Variants in ADCY10 observed in about 807,000 individuals in gnomAD.
The protein encoded by ADCY10 is adenylate cyclase 10, also known as adenylate cyclase type 10.
ADCY10 carries 156 observed loss-of-function variants against 183.3 expected under a neutral mutation model. The ratio of observed to expected loss-of-function variants is 0.85; its 90% CI spans 0.75 to 0.97. The LOEUF is 0.97. Among genes scored for constraint, ADCY10 ranks in the 50% least tolerant of loss-of-function variants. The pLI is 0.00. For missense variants in ADCY10, 1,745 were observed against 1,934.3 expected (o/e 0.90, Z 1.84); for synonymous variants, 645 against 670.0 (o/e 0.96, Z 0.58).
chr1:167,902,970 A>T (rs1268326765), intron 3 of ADCY10, among the ~76,000 whole-genome samples: 1 of 152,178 alleles, frequency 6.6e-6, no homozygotes, highest in African/African-American at 2.4e-5. Context: ...AAATACTTGG[A>T]TAGGCCAGGC....
chr1:167,862,883 C>T (rs1666379281), intron 14 of ADCY10, among the ~76,000 whole-genome samples: 1 of 152,162 alleles, frequency 6.6e-6, no homozygotes, highest in African/African-American at 2.4e-5. Flanking sequence ...CTGGTCATCA[C>T]CACTGTTATT....
intron 1 of ADCY10, among the ~76,000 whole-genome samples, chr1:167,908,173 G>A (rs1321191736): frequency 1.3e-5 from 2 of 152,120 alleles, no homozygotes; most frequent in South Asian, 2.1e-4. Flanking sequence ...ACATATGAAT[G>A]GATAAAGAAA....
chr1:167,911,957 T>C (rs1457383510), intron 1 of ADCY10, among the ~76,000 whole-genome samples: 2 of 152,086 alleles, frequency 1.3e-5, no homozygotes, highest in Non-Finnish European at 2.9e-5. Context: ...AAGAAGAAAA[T>C]GATAGGTTTA....
intron 22 of ADCY10, 134 bp downstream of exon 22, chr1:167,837,115 T>C: frequency 1.3e-6 from 1 of 758,930 alleles, no homozygotes; most frequent in Non-Finnish European, 2.4e-6. Flanking sequence ...AAACTCACCA[T>C]GCATACCCCC....
intron 18 of ADCY10, among the ~76,000 whole-genome samples, chr1:167,853,535 C>T (rs1387391667): frequency 6.6e-6 from 1 of 152,170 alleles, no homozygotes; most frequent in East Asian, 1.9e-4. Flanking sequence ...CCAATTAAAG[C>T]CTGCTCTATC....
chr1:167,842,298 C>T (rs1444975603), intron 21 of ADCY10, among the ~76,000 whole-genome samples: 7 of 152,126 alleles, frequency 4.6e-5, no homozygotes, highest in African/African-American at 1.4e-4. Context: ...TGCCATCATA[C>T]CTGGCTAATT....
At chr1:167,866,835 G>A (rs1022819343) in intron 14 of ADCY10, among the ~76,000 whole-genome samples, 4 of 150,796 alleles carry the variant, frequency 2.7e-5, no homozygotes, top group Non-Finnish European at 5.9e-5. Flanking sequence ...CTCTGGCCAA[G>A]GCCAGTGGCC....
rs558748386 is a variant in ADCY10, at chr1:167,829,492, G to A, written c.3594-69C>T. The A allele has an allele frequency of 1.1e-5, 17 of 1,579,578 alleles. No individual in the cohort carries two copies. In the East Asian group the frequency reaches 3.6e-4, roughly 33 times the overall value. ...CATTACCATGATTTAGGGGAGCACA[G>A]GTACATGGTGTCCTCACTATGGGCC... On this transcript the variant is annotated intron_variant, in intron 25 of 32. Coordinates refer to ENST00000367851, the MANE Select transcript of ADCY10 (RefSeq NM_018417.6).
At position 167,860,872 on chromosome 1, in the gene ADCY10, T is replaced by C. The variant is rs772108925; in HGVS notation, c.1808A>G (p.Gln603Arg). Residue 603 changes from glutamine to arginine, a missense_variant and splice_region_variant, in exon 15 of 33, where the codon CAG (glutamine) becomes CGG (arginine). Coordinates refer to ENST00000367851, the MANE Select transcript of ADCY10 (RefSeq NM_018417.6). ...YCLLNDIFHVQFPISREISRM... is the reference protein window; with the variant it reads ...YCLLNDIFHVRFPISREISRM... Reference sequence around the variant, plus strand: ...AGAAGTATAATACTAGCTAGTTACCTGAACATGGAAAATGTCATTAAGAAG... The same window carrying C: ...AGAAGTATAATACTAGCTAGTTACCCGAACATGGAAAATGTCATTAAGAAG... The C allele has an allele frequency of 6.2e-7, 1 of 1,613,838 alleles. No homozygotes were observed. Among genetic ancestry groups the C allele is most frequent in the Non-Finnish European group, 8.5e-7 (1 of 1,179,734 alleles).
chr1:167,812,934 A>G (rs546108433), intron 31 of ADCY10, among the ~76,000 whole-genome samples: 8 of 152,292 alleles, frequency 5.3e-5, no homozygotes, highest in African/African-American at 1.7e-4. Context: ...AGATAAGACA[A>G]TGGAAATTAT....
Position 167,836,375 on chromosome 1 carries a change from ATT to A in ADCY10, c.3241_3242del (p.Asn1081Ter). 6.2e-7 allele frequency: 1 copy of A among 1,614,140 alleles called. No homozygotes were observed. The highest frequency in any genetic ancestry group is 1.1e-5 in the South Asian group (1 of 91,078). The part of the protein sequence containing the change: ...LAHHFLALGE[N>X]DKALYYFLEI... ...CTAAGAAGTAATATAAGGCTTTGTC[ATT>A]TTCTCCCAAAGCCAGAAAATGGTGG... On this transcript the variant is annotated frameshift_variant, in exon 23 of 33. Coordinates refer to ENST00000367851, the MANE Select transcript of ADCY10 (RefSeq NM_018417.6). LOFTEE classifies it high-confidence loss of function.
chr1:167,872,772 C>A (rs1667193154), intron 13 of ADCY10, among the ~76,000 whole-genome samples: 1 of 149,040 alleles, frequency 6.7e-6, no homozygotes, highest in African/African-American at 2.5e-5. Flanking sequence ...CTAGATCAGA[C>A]TGAGAAATAT....
At chr1:167,850,701 G>C (rs1459808112) in intron 18 of ADCY10, among the ~76,000 whole-genome samples, 1 of 147,578 alleles carries the variant, frequency 6.8e-6, no homozygotes, top group Non-Finnish European at 1.5e-5. Context: ...GTGTGTGTGT[G>C]TGTGTGTTGG....
At chr1:167,814,543 A>C (rs1469693229) in intron 31 of ADCY10, among the ~76,000 whole-genome samples, 1 of 143,430 alleles carries the variant, frequency 7.0e-6, no homozygotes, top group Admixed American at 7.2e-5. Context: ...TAAAGGTAGA[A>C]ATAGACAGTT....
At chr1:167,870,561 G>A in intron 13 of ADCY10, 151 bp from the exon 14 acceptor site, 1 of 663,206 alleles carries the variant, frequency 1.5e-6, no homozygotes. Flanking sequence ...GGGAGGCCGA[G>A]GTGGGCGGAT....
chr1:167,866,867 G>A (rs566381320), intron 14 of ADCY10, among the ~76,000 whole-genome samples: 3 of 152,010 alleles, frequency 2.0e-5, no homozygotes, highest in Non-Finnish European at 2.9e-5. Flanking sequence ...ACAACTAGAT[G>A]GGGTTTCCAA....
chr1:167,890,683 C>T (rs149346405), intron 8 of ADCY10, among the ~76,000 whole-genome samples: 1,769 of 152,278 alleles, frequency 0.012, 13 homozygotes, highest in African/African-American at 0.017. Flanking sequence ...TCCACAGATG[C>T]CATCTGGGAG....
At chr1:167,877,829 A>C (rs990214181) in intron 12 of ADCY10, among the ~76,000 whole-genome samples, 2 of 152,190 alleles carry the variant, frequency 1.3e-5, no homozygotes, top group African/African-American at 2.4e-5. Flanking sequence ...CCAATAGACC[A>C]GGATTAGGTG....
intron 11 of ADCY10, 120 bp downstream of exon 11, chr1:167,879,993 ACT>A: frequency 3.7e-6 from 3 of 815,266 alleles, no homozygotes; most frequent in Non-Finnish European, 6.3e-6. Flanking sequence ...CATCTGGAAG[ACT>A]CTAAAGTTTC....
Sources: allele counts gnomAD v4.1 joint callset (sites outside exome capture counted in the v4.1 genomes callset), GRCh38; gene constraint gnomAD v4.1.1; transcripts MANE v1.5; gene names NCBI Gene and HGNC (gene_info 2026-07-23, HGNC 2026-07-21).